The following BABAM2 variants were observed in gnomAD, a reference collection of about 807,000 sequenced individuals.
BABAM2 encodes the protein BRISC and BRCA1-A complex member 2.
BABAM2 carries 31 observed loss-of-function variants against 54.7 expected under a neutral mutation model. The observed-to-expected ratio is 0.57, with a 90% CI of 0.43 to 0.77. BABAM2 has a LOEUF of 0.77. Ranked by LOEUF, BABAM2 falls within the 30% of genes least tolerant of loss-of-function variation. BABAM2 has a pLI of 0.00. For missense variants in BABAM2, 364 were observed against 455.8 expected (o/e 0.80, Z 1.83); for synonymous variants, 167 against 162.9 (o/e 1.03, Z -0.19).
chr2:28,044,662 A>G (rs1392062464), intron 5 of BABAM2, among the ~76,000 whole-genome samples: 1 of 152,166 alleles, frequency 6.6e-6, no homozygotes, highest in Non-Finnish European at 1.5e-5. Context: ...ATATTTGTAA[A>G]CGCTTGCTAT....
intron 3 of BABAM2, among the ~76,000 whole-genome samples, chr2:27,965,150 T>TC (rs1030576624): frequency 6.6e-6 from 1 of 152,192 alleles, no homozygotes; most frequent in Non-Finnish European, 1.5e-5. Flanking sequence ...TGCCCTTTTT[T>TC]CCCACTCTGG....
chr2:27,994,760 A>G (rs1228651721), intron 4 of BABAM2, among the ~76,000 whole-genome samples: 1 of 152,208 alleles, frequency 6.6e-6, no homozygotes, highest in Non-Finnish European at 1.5e-5. Flanking sequence ...TACTGTGAAC[A>G]TTCTTGTACA....
At chr2:28,240,531 G>A (rs1031073220) in intron 8 of BABAM2, among the ~76,000 whole-genome samples, 1 of 152,044 alleles carries the variant, frequency 6.6e-6, no homozygotes, top group Non-Finnish European at 1.5e-5. Context: ...AACTTAAAAG[G>A]CATTAAAAAC....
chr2:27,928,701 CCTTG>C (rs926221926), intron 2 of BABAM2, among the ~76,000 whole-genome samples: 4 of 152,166 alleles, frequency 2.6e-5, no homozygotes, highest in Non-Finnish European at 5.9e-5. Flanking sequence ...AAATTAGCCT[CCTTG>C]CTTTCGTTTG....
chr2:27,940,565 G>C (rs1668796289), intron 3 of BABAM2, among the ~76,000 whole-genome samples: 2 of 152,172 alleles, frequency 1.3e-5, no homozygotes, highest in Admixed American at 1.3e-4. Context: ...CAGCTTTGAA[G>C]AGAGATTATT....
chr2:28,033,577 C>A (rs1025366641), intron 5 of BABAM2, among the ~76,000 whole-genome samples: 1 of 152,078 alleles, frequency 6.6e-6, no homozygotes, highest in Non-Finnish European at 1.5e-5. Flanking sequence ...CTTATGATAA[C>A]CCATGAATCC....
intron 6 of BABAM2, among the ~76,000 whole-genome samples, chr2:28,084,820 A>C (rs1228916773): frequency 6.6e-6 from 1 of 152,146 alleles, no homozygotes; most frequent in African/African-American, 2.4e-5. Flanking sequence ...AACCATGAAA[A>C]AGAGAGGAAC....
At chr2:27,946,901 C>T (rs1186479331) in intron 3 of BABAM2, among the ~76,000 whole-genome samples, 1 of 152,162 alleles carries the variant, frequency 6.6e-6, no homozygotes, top group Non-Finnish European at 1.5e-5. Context: ...TCTATTTCCT[C>T]CTTATTCTTT....
rs116096612 is a variant in BABAM2, at chr2:28,052,627, C to T, written c.570+6828C>T. On this transcript the variant is annotated intron_variant, in intron 6 of 11. Coordinates refer to ENST00000379624, the MANE Select transcript of BABAM2 (RefSeq NM_199191.3). ...GGTTTCTTAAGAAGTTGTTTTAATT[C>T]GTGATATGCTTAAATATGATCATTA... Among the ~76,000 whole-genome samples the T allele has an allele frequency of 6.2e-3, 945 of 152,126 alleles. 13 individuals carry two copies. Among genetic ancestry groups the T allele is most frequent in the African/African-American group, 0.021 (886 of 41,498 alleles).
At chr2:28,240,068 G>A (rs1573909742) in intron 8 of BABAM2, among the ~76,000 whole-genome samples, 1 of 151,810 alleles carries the variant, frequency 6.6e-6, no homozygotes, top group African/African-American at 2.4e-5. Flanking sequence ...ACAGAATTGA[G>A]ACGTTCTACA....
At chr2:28,026,387 G>A (rs1675664571) in intron 5 of BABAM2, among the ~76,000 whole-genome samples, 2 of 152,026 alleles carry the variant, frequency 1.3e-5, no homozygotes, top group Admixed American at 1.3e-4. Context: ...ATACACCCTG[G>A]AATACTATGC....
chr2:28,111,919 T>A (rs1668058218), intron 6 of BABAM2, among the ~76,000 whole-genome samples: 1 of 152,118 alleles, frequency 6.6e-6, no homozygotes, highest in Non-Finnish European at 1.5e-5. Context: ...CTCTACACAT[T>A]TTGAGCTAGA....
chr2:27,890,451 G>C, upstream of BABAM2: 2 of 1,127,588 alleles, frequency 1.8e-6, no homozygotes, highest in African/African-American at 1.5e-5. The surrounding 1 kb of genome is among the most constrained non-coding windows in gnomAD (Gnocchi z 4.8). Context: ...GGGCCTTTCA[G>C]ACGCCTACGC....
chr2:28,131,275 G>T (rs1670040791), intron 7 of BABAM2, among the ~76,000 whole-genome samples: 1 of 50,246 alleles, frequency 2.0e-5, no homozygotes, highest in South Asian at 1.0e-3. Context: ...TAGAGACGGG[G>T]TTTCACCGTT....
intron 9 of BABAM2, among the ~76,000 whole-genome samples, chr2:28,243,546 A>G (rs750974117): frequency 7.2e-5 from 11 of 151,750 alleles, no homozygotes; most frequent in Non-Finnish European, 1.6e-4. Context: ...AAATTTAAAA[A>G]TTAAAAAAAA....
intron 10 of BABAM2, among the ~76,000 whole-genome samples, chr2:28,295,475 A>G (rs1182741578): frequency 6.6e-6 from 1 of 151,870 alleles, no homozygotes; most frequent in Non-Finnish European, 1.5e-5. Context: ...GTATAAAACA[A>G]CTGAAGTCAA....
intron 10 of BABAM2, among the ~76,000 whole-genome samples, chr2:28,251,457 G>A (rs1446398523): frequency 6.6e-6 from 1 of 152,154 alleles, no homozygotes. Flanking sequence ...CCAATTCCTG[G>A]TATAACCAAG....
At chr2:28,205,888 G>C (rs1287316559) in intron 7 of BABAM2, among the ~76,000 whole-genome samples, 2 of 152,148 alleles carry the variant, frequency 1.3e-5, no homozygotes, top group East Asian at 3.9e-4. Context: ...CAATACTTCA[G>C]CTTTTAAAAT....
chr2:28,002,226 G>A (rs182599471), intron 4 of BABAM2, among the ~76,000 whole-genome samples: 1 of 152,116 alleles, frequency 6.6e-6, no homozygotes, highest in African/African-American at 2.4e-5. Flanking sequence ...GTATCTCCTA[G>A]TACTTCTAGG....
Sources: allele counts gnomAD v4.1 joint callset (sites outside exome capture counted in the v4.1 genomes callset), GRCh38; gene constraint gnomAD v4.1.1; non-coding constraint Gnocchi (gnomAD v3.1); transcripts MANE v1.5; gene names NCBI Gene and HGNC (gene_info 2026-07-23, HGNC 2026-07-21).